CNTN5: variants seen among roughly 807,000 people sequenced by gnomAD.
CNTN5 encodes the protein contactin-5.
A neutral mutation model predicts 129.1 loss-of-function variants in CNTN5; 77 were observed. The ratio of observed to expected loss-of-function variants is 0.60; its 90% CI spans 0.50 to 0.72. The LOEUF (loss-of-function observed/expected upper bound fraction) is 0.72, where lower values mean the gene tolerates loss of function less well. Ranked by LOEUF, CNTN5 falls within the 30% of genes least tolerant of loss-of-function variation. The pLI is 0.00. For missense variants in CNTN5, 1,478 were observed against 1,328.8 expected (o/e 1.11, Z -1.75); for synonymous variants, 509 against 465.6 (o/e 1.09, Z -1.20).
chr11:100,335,233 G>GT (rs1467543458), intron 21 of CNTN5, among the ~76,000 whole-genome samples: 2 of 152,076 alleles, frequency 1.3e-5, no homozygotes, highest in East Asian at 3.9e-4. Context: ...CTACTCAATG[G>GT]TTTTATATGA....
chr11:100,344,253 A>T (rs1418642469), intron 23 of CNTN5, among the ~76,000 whole-genome samples: 2 of 152,190 alleles, frequency 1.3e-5, no homozygotes, highest in African/African-American at 4.8e-5. Flanking sequence ...CCAGTTTAAG[A>T]TTGAAGAATT....
intron 1 of CNTN5, among the ~76,000 whole-genome samples, chr11:99,108,512 C>G (rs1007939475): frequency 6.6e-6 from 1 of 152,000 alleles, no homozygotes. Flanking sequence ...TAGTAAATCC[C>G]ATTTTTATAT....
chr11:100,170,002 C>T (rs1242982899), intron 13 of CNTN5, among the ~76,000 whole-genome samples: 2 of 151,928 alleles, frequency 1.3e-5, no homozygotes, highest in African/African-American at 2.4e-5. Flanking sequence ...TCTTAGCTTA[C>T]TGTTACTGTA....
At chr11:99,074,385 A>G (rs1865474478) in intron 1 of CNTN5, among the ~76,000 whole-genome samples, 1 of 152,162 alleles carries the variant, frequency 6.6e-6, no homozygotes, top group Admixed American at 6.6e-5. Context: ...GTTTAATTAG[A>G]TCCAATTAGT....
At chr11:99,718,245 AT>A (rs1943050683) in intron 3 of CNTN5, among the ~76,000 whole-genome samples, 1 of 152,158 alleles carries the variant, frequency 6.6e-6, no homozygotes, top group African/African-American at 2.4e-5. Context: ...TAAACCAAAA[AT>A]ATTTGTTAAT....
At chr11:99,469,063 AT>A (rs1221659775) in intron 2 of CNTN5, among the ~76,000 whole-genome samples, 4 of 151,538 alleles carry the variant, frequency 2.6e-5, no homozygotes, top group Non-Finnish European at 2.9e-5. Flanking sequence ...ATTAGCTTTT[AT>A]TTTGCTAGTA....
intron 3 of CNTN5, among the ~76,000 whole-genome samples, chr11:99,621,305 A>G (rs1950942611): frequency 6.6e-6 from 1 of 152,222 alleles, no homozygotes; most frequent in South Asian, 2.1e-4. Flanking sequence ...TGGAGTCAGG[A>G]GATGGCTAAA....
intron 1 of CNTN5, among the ~76,000 whole-genome samples, chr11:99,249,056 C>A (rs1861965432): frequency 6.6e-6 from 1 of 152,048 alleles, no homozygotes; most frequent in Non-Finnish European, 1.5e-5. Flanking sequence ...TTACCTTGGG[C>A]AGTATGGCCA....
At chr11:99,859,439 T>C (rs1243186601) in intron 6 of CNTN5, among the ~76,000 whole-genome samples, 1 of 152,190 alleles carries the variant, frequency 6.6e-6, no homozygotes, top group Non-Finnish European at 1.5e-5. Context: ...GAGGTTTGGG[T>C]TACGGGTGGT....
At chr11:100,299,431 AT>A in intron 20 of CNTN5, 35 bp downstream of exon 20, 1 of 1,347,898 alleles carries the variant, frequency 7.4e-7, no homozygotes, top group Non-Finnish European at 1.0e-6. Flanking sequence ...TTTATTTAAC[AT>A]TTTACTTTGT....
chr11:99,052,312 A>G (rs1391345477), intron 1 of CNTN5, among the ~76,000 whole-genome samples: 1 of 151,886 alleles, frequency 6.6e-6, no homozygotes, highest in Non-Finnish European at 1.5e-5. Flanking sequence ...GCTCCATGTA[A>G]CATTTCAGCC....
At chr11:100,054,570 A>G (rs1473748858) in intron 9 of CNTN5, among the ~76,000 whole-genome samples, 1 of 151,782 alleles carries the variant, frequency 6.6e-6, no homozygotes, top group Non-Finnish European at 1.5e-5. Context: ...GTTTTACCAA[A>G]TGTTTTCCGC....
intron 6 of CNTN5, among the ~76,000 whole-genome samples, chr11:99,887,730 G>C (rs1220325527): frequency 6.6e-6 from 1 of 152,250 alleles, no homozygotes; most frequent in African/African-American, 2.4e-5. Flanking sequence ...GAAGAACTTG[G>C]AGTCTGATGT....
chr11:99,173,120 A>G (rs1415925778), intron 1 of CNTN5, among the ~76,000 whole-genome samples: 1 of 152,136 alleles, frequency 6.6e-6, no homozygotes, highest in Non-Finnish European at 1.5e-5. Flanking sequence ...GGAAAGAGCC[A>G]TCCCTATAAT....
intron 1 of CNTN5, among the ~76,000 whole-genome samples, chr11:99,092,831 T>C (rs17132977): frequency 0.063 from 9,542 of 152,090 alleles, 820 homozygotes; most frequent in East Asian, 0.35. Flanking sequence ...TGTAGCTATA[T>C]CTGGGTGGTG....
intron 3 of CNTN5, among the ~76,000 whole-genome samples, chr11:99,598,358 CTCTCTCTCTCTCTCTCCCT>C (rs1950203757): frequency 4.2e-5 from 2 of 47,254 alleles, no homozygotes; most frequent in Non-Finnish European, 8.1e-5. Flanking sequence ...CTCTCTCTCT[CTCTCTCTCTCTCTCTCCCT>C]CTCTCTCTCT....
chr11:99,595,587 A>C (rs1190114618), intron 3 of CNTN5, among the ~76,000 whole-genome samples: 1 of 152,140 alleles, frequency 6.6e-6, no homozygotes, highest in Non-Finnish European at 1.5e-5. Flanking sequence ...ATGCCACAGG[A>C]ATCAGGAACA....
chr11:99,798,444 A>C (rs768477138), intron 3 of CNTN5, among the ~76,000 whole-genome samples: 1 of 152,176 alleles, frequency 6.6e-6, no homozygotes, highest in African/African-American at 2.4e-5. Flanking sequence ...ATTTTTATAA[A>C]TGGTGAAAGA....
intron 2 of CNTN5, among the ~76,000 whole-genome samples, chr11:99,401,557 G>C (rs1941808043): frequency 6.6e-6 from 1 of 151,970 alleles, no homozygotes; most frequent in African/African-American, 2.4e-5. Flanking sequence ...GGATAGCTTT[G>C]GTTGTTCTGT....
Sources: gnomAD v4.1 joint callset for allele counts (sites outside exome capture counted in the v4.1 genomes callset) on GRCh38, gnomAD v4.1.1 for gene constraint, MANE v1.5 for transcripts, NCBI Gene and HGNC (gene_info 2026-07-23, HGNC 2026-07-21) for gene names.